Variants in XRCC4 observed in about 807,000 individuals in gnomAD.
XRCC4 encodes X-ray repair cross complementing 4.
XRCC4 carries 28 observed loss-of-function variants against 39.1 expected under a neutral mutation model. That is an observed-to-expected ratio of 0.72 (90% CI 0.53 to 0.98). The LOEUF is 0.98. Among genes scored for constraint, XRCC4 ranks in the 50% least tolerant of loss-of-function variants. The pLI is 0.00. For missense variants in XRCC4, 350 were observed against 376.4 expected, an observed-to-expected ratio of 0.93 and a Z score of 0.58; for synonymous variants, 123 against 126.4, an observed-to-expected ratio of 0.97 and a Z score of 0.18.
At chr5:83,208,306 T>G (rs550974208) in intron 6 of XRCC4, among the ~76,000 whole-genome samples, 1 of 152,194 alleles carries the variant, frequency 6.6e-6, no homozygotes, top group African/African-American at 2.4e-5. Context: ...TTGGTAGTTA[T>G]GCTTGTTTTT....
intron 7 of XRCC4, among the ~76,000 whole-genome samples, chr5:83,323,486 T>C (rs1756143753): frequency 6.6e-6 from 1 of 152,058 alleles, no homozygotes; most frequent in Non-Finnish European, 1.5e-5. Flanking sequence ...TTTAATCAGT[T>C]GGAGAGAAAT....
chr5:83,185,767 A>C (rs1252564194), intron 3 of XRCC4, among the ~76,000 whole-genome samples: 1 of 152,160 alleles, frequency 6.6e-6, no homozygotes. Flanking sequence ...GTGGTATTTC[A>C]TATGAATAAG....
intron 6 of XRCC4, among the ~76,000 whole-genome samples, chr5:83,208,444 G>GA (rs2112744848): frequency 6.6e-6 from 1 of 152,062 alleles, no homozygotes; most frequent in East Asian, 1.9e-4. Flanking sequence ...TCACTCTAGG[G>GA]AAAAGTCTGG....
chr5:83,098,020 T>TTTAATACCC, intron 1 of XRCC4, among the ~76,000 whole-genome samples: 1 of 150,364 alleles, frequency 6.7e-6, no homozygotes, highest in Non-Finnish European at 1.5e-5. Flanking sequence ...TACCCACTTA[T>TTTAATACCC]AGTGTTAGAG....
At chr5:83,252,548 T>G (rs1753363245) in intron 6 of XRCC4, among the ~76,000 whole-genome samples, 2 of 152,108 alleles carry the variant, frequency 1.3e-5, no homozygotes, top group South Asian at 4.1e-4. Flanking sequence ...GTTTTAAAAA[T>G]AATACCTTAA....
rs1757142590 is a variant in XRCC4 at position 83,353,378 on chromosome 5, C to A, written c.*136C>A. ...TAATTACATACACAGTGAATTGAAA[C>A]CATTGTGCAAAATGGATTACACATG... On this transcript the variant is annotated 3_prime_UTR_variant, in exon 8 of 8. Coordinates refer to ENST00000396027, the MANE Select transcript of XRCC4 (RefSeq NM_003401.5). 4.5e-6 allele frequency: 3 copies of A among 663,004 alleles called. No individual in the cohort carries two copies. The highest frequency in any genetic ancestry group is 7.5e-6 in the Non-Finnish European group (3 of 397,740). The allele number at this position is 663,004 out of a possible 1,614,324, so 41.1% of individuals were successfully genotyped here. A position where few individuals can be genotyped will look rare whatever the true frequency, so the allele number is the denominator to read the frequency against.
At chr5:83,205,425 C>T (rs1751381858) in intron 6 of XRCC4, among the ~76,000 whole-genome samples, 1 of 149,598 alleles carries the variant, frequency 6.7e-6, no homozygotes, top group African/African-American at 2.5e-5. Context: ...CAGTTTAGTA[C>T]AAAGTACCTA....
intron 7 of XRCC4, among the ~76,000 whole-genome samples, chr5:83,283,050 CAAA>C (rs199980796): frequency 1.0e-4 from 6 of 58,236 alleles, no homozygotes; most frequent in Non-Finnish European, 1.2e-4. Flanking sequence ...ATAGCCAGAC[CAAA>C]AAAAAAAAAA....
intron 6 of XRCC4, among the ~76,000 whole-genome samples, chr5:83,206,511 A>G (rs2112738782): frequency 6.6e-6 from 1 of 152,226 alleles, no homozygotes; most frequent in South Asian, 2.1e-4. Flanking sequence ...TGGATTGGTG[A>G]AGGAAGGGGA....
At chr5:83,225,606 A>AG (rs1752257518) in intron 6 of XRCC4, among the ~76,000 whole-genome samples, 1 of 101,290 alleles carries the variant, frequency 9.9e-6, no homozygotes, top group Admixed American at 9.1e-5. Context: ...TTTATTCCAG[A>AG]AAAAAAAAAA....
intron 3 of XRCC4, among the ~76,000 whole-genome samples, chr5:83,134,769 C>T (rs2617852): frequency 0.041 from 6,240 of 152,268 alleles, 145 homozygotes; most frequent in East Asian, 0.11. Context: ...TTTGGGTTCG[C>T]TCTGCCTTTA....
At position 83,103,025 on chromosome 5, in the gene XRCC4, T is replaced by TATATATATATATATATATAC. The variant is rs943955057; in HGVS notation, c.-10-1879_-10-1878insATATATATATATACATATAT. Among the ~76,000 whole-genome samples the TATATATATATATATATATAC allele has an allele frequency of 4.2e-4, 60 of 142,668 alleles. 4 individuals carry two copies. Among genetic ancestry groups the TATATATATATATATATATAC allele is most frequent in the African/African-American group, 1.5e-3 (56 of 36,226 alleles). 93.6% of individuals were successfully genotyped at this position (142,668 alleles called of 152,430 possible). A position where few individuals can be genotyped will look rare whatever the true frequency, so the allele number is the denominator to read the frequency against. On this transcript the variant is annotated intron_variant, in intron 1 of 7. Transcript: ENST00000396027. ...GATAGAGCTGATATATATATATATA[T>TATATATATATATATATATAC]ATATATGTCAACATATTTCCATTAA...
At chr5:83,190,400 A>C (rs1750641920) in intron 3 of XRCC4, among the ~76,000 whole-genome samples, 1 of 152,186 alleles carries the variant, frequency 6.6e-6, no homozygotes, top group Non-Finnish European at 1.5e-5. Flanking sequence ...GATACAGCTA[A>C]ATTTTTCTCT....
chr5:83,146,918 A>G (rs890195373), intron 3 of XRCC4, among the ~76,000 whole-genome samples: 1 of 152,206 alleles, frequency 6.6e-6, no homozygotes, highest in Admixed American at 6.5e-5. Flanking sequence ...GTGAAATGTT[A>G]CTGTAAGAAA....
intron 3 of XRCC4, among the ~76,000 whole-genome samples, chr5:83,166,988 TCTC>T (rs777113189): frequency 6.6e-6 from 1 of 151,942 alleles, no homozygotes; most frequent in Admixed American, 6.6e-5. Flanking sequence ...TTCAAACAAT[TCTC>T]CTGCCTCAGC....
chr5:83,217,358 C>CAAAAAAAAAAAAAAAAA (rs59416363), intron 6 of XRCC4, among the ~76,000 whole-genome samples: 14 of 96,146 alleles, frequency 1.5e-4, no homozygotes, highest in African/African-American at 6.6e-4. Context: ...GACTCCGTCT[C>CAAAAAAAAAAAAAAAAA]AAAAAAAAAA....
At chr5:83,140,542 G>A (rs6887846) in intron 3 of XRCC4, among the ~76,000 whole-genome samples, 73,673 of 152,022 alleles carry the variant, frequency 0.48, 18,816 homozygotes, top group African/African-American at 0.63. Context: ...AAGACACACC[G>A]AGATACAATA....
intron 7 of XRCC4, among the ~76,000 whole-genome samples, chr5:83,313,912 G>C (rs1346915025): frequency 1.4e-5 from 2 of 144,994 alleles, no homozygotes; most frequent in African/African-American, 5.4e-5. Context: ...TAAAATATAA[G>C]TTTTATAAAG....
At chr5:83,246,385 G>C (rs146291955) in intron 6 of XRCC4, among the ~76,000 whole-genome samples, 420 of 152,216 alleles carry the variant, frequency 2.8e-3, no homozygotes, top group Non-Finnish European at 5.1e-3. Context: ...TGAATTCAGT[G>C]TTGGCCTTAT....
Sources: gnomAD v4.1 joint callset for allele counts (sites outside exome capture counted in the v4.1 genomes callset) on GRCh38, gnomAD v4.1.1 for gene constraint, MANE v1.5 for transcripts, NCBI Gene and HGNC (gene_info 2026-07-23, HGNC 2026-07-21) for gene names.